Variants in PRDX1 observed in about 807,000 individuals in gnomAD.
PRDX1 encodes peroxiredoxin 1, also known as peroxiredoxin-1.
In PRDX1, 19 loss-of-function variants were observed where a neutral mutation model predicts 20.7. That is an observed-to-expected ratio of 0.92 (90% CI 0.64 to 1.35). The LOEUF is 1.35. PRDX1 is among the 40% of genes most tolerant of loss of function. The pLI is 0.00. For synonymous variants in PRDX1, 89 were observed against 83.9 expected (o/e 1.06, Z -0.33); for missense variants, 226 against 240.0 (o/e 0.94, Z 0.38).
intron 5 of PRDX1, chr1:45,512,326 C>A (rs1444525908): frequency 6.6e-6 from 1 of 151,408 alleles, no homozygotes; most frequent in African/African-American, 2.4e-5. Flanking sequence ...CAAGCTCCAC[C>A]TCCGGGGTTC....
chr1:45,511,367 C>T lies in PRDX1; in HGVS notation c.562G>A (p.Val188Ile). ...KPGSDTIKPD[V>I]QKSKEYFSKQ... ...GAGAAATATTCTTTGCTCTTTTGGA[C>T]ATCAGGCTTGATGGTATCACTGCCA... The change falls in exon 6 of 6, where the codon GTC becomes ATC. Residue 188 changes from valine to isoleucine, a missense_variant. Transcript: ENST00000319248. 1 of 1,613,206 alleles carries T rather than the reference C, an allele frequency of 6.2e-7. No homozygotes were observed. Among genetic ancestry groups the T allele is most frequent in the South Asian group, 1.1e-5 (1 of 90,866 alleles).
intron 2 of PRDX1, among the ~76,000 whole-genome samples, chr1:45,518,174 A>C (rs1643877426): frequency 6.6e-6 from 1 of 152,048 alleles, no homozygotes; most frequent in Non-Finnish European, 1.5e-5. Flanking sequence ...AAAAAGTACA[A>C]AAATTAAGCC....
chr1:45,520,714 A>G (rs1570856392), intron 1 of PRDX1, among the ~76,000 whole-genome samples: 1 of 117,238 alleles, frequency 8.5e-6, no homozygotes, highest in African/African-American at 3.6e-5. Flanking sequence ...ACAGAGCGAG[A>G]CTCCGTCTCA....
At chr1:45,517,577 C>G (rs184138512) in intron 2 of PRDX1, among the ~76,000 whole-genome samples, 1 of 151,876 alleles carries the variant, frequency 6.6e-6, no homozygotes, top group African/African-American at 2.4e-5. Flanking sequence ...GTCAGGAGAT[C>G]GAGACCATCC....
chr1:45,511,445 CCTT>C (rs759051137), intron 5 of PRDX1, 31 bp from the exon 6 acceptor site: 6 of 1,577,848 alleles, frequency 3.8e-6, no homozygotes, highest in Admixed American at 1.7e-5. Context: ...TAATTAATAA[CCTT>C]CTCAATGGTA....
rs371224177 is a variant in PRDX1, at chr1:45,514,274, G to A, written c.514+233C>T. On this transcript the variant is annotated intron_variant, in intron 5 of 5. Transcript: ENST00000319248. Reference sequence around the variant, plus strand: ...ATGACCCTGCCACATCCCCCTCTCCGAGAAACACCCAAGAATGATCAATAA... The same window carrying A: ...ATGACCCTGCCACATCCCCCTCTCCAAGAAACACCCAAGAATGATCAATAA... Among the ~76,000 whole-genome samples, 4 of 152,100 alleles carry A rather than the reference G, an allele frequency of 2.6e-5. No homozygotes were observed. In the South Asian group the frequency reaches 8.3e-4, roughly 32 times the overall value.
chr1:45,518,163 CA>C (rs1457858737), intron 2 of PRDX1, among the ~76,000 whole-genome samples: 1 of 151,918 alleles, frequency 6.6e-6, no homozygotes, highest in Non-Finnish European at 1.5e-5. Flanking sequence ...CCCAGCTCTA[CA>C]AAAAGTACAA....
chr1:45,517,804 A>G (rs936256164), intron 2 of PRDX1, among the ~76,000 whole-genome samples: 1 of 125,320 alleles, frequency 8.0e-6, no homozygotes, highest in African/African-American at 2.9e-5. Flanking sequence ...AAAAAAAAAA[A>G]CTATGACAAC....
chr1:45,519,022 T>A lies in PRDX1; in HGVS notation c.22A>T (p.Ile8Phe), dbSNP rs1339453399. The A allele has an allele frequency of 6.3e-7, 1 of 1,597,418 alleles. No individual in the cohort carries two copies. Among genetic ancestry groups the A allele is most frequent in the African/African-American group, 1.4e-5 (1 of 73,962 alleles). Residue 8 changes from isoleucine (I) to phenylalanine (F), a missense_variant, in exon 2 of 6, where the codon ATT becomes TTT. By Grantham distance (21) the Ile-to-Phe change is conservative (BLOSUM62 0). Coordinates refer to ENST00000319248, the MANE Select transcript of PRDX1 (RefSeq NM_181697.3). MSSGNAKIGHPAPNFKAT... is the reference protein window; with the variant it reads MSSGNAKFGHPAPNFKAT... ...TTGAAGTTGGGGGCAGGGTGCCCAA[T>A]TTTAGCATTTCCTGAAGACATCTTC...
chr1:45,513,784 TC>T (rs766567220), intron 5 of PRDX1, among the ~76,000 whole-genome samples: 1 of 152,178 alleles, frequency 6.6e-6, no homozygotes, highest in Non-Finnish European at 1.5e-5. Context: ...ATCTCAAGTA[TC>T]CGGGGACACA....
intron 5 of PRDX1, 80 bp downstream of exon 5, chr1:45,514,427 G>A: frequency 1.3e-6 from 2 of 1,523,084 alleles, no homozygotes; most frequent in Non-Finnish European, 1.8e-6. Context: ...CACCTAACGA[G>A]AAACACCCAC....
At chr1:45,511,497 C>A (rs1412265072) in intron 5 of PRDX1, 83 bp from the exon 6 acceptor site, 1 of 1,120,528 alleles carries the variant, frequency 8.9e-7, no homozygotes. Flanking sequence ...CAGTTCTGCA[C>A]CTGAACACTC....
intron 5 of PRDX1, chr1:45,512,252 ATT>A (rs1557611864): frequency 2.0e-5 from 3 of 149,940 alleles, no homozygotes; most frequent in African/African-American, 7.3e-5. Context: ...CACCTGGCTA[ATT>A]TTTGAGACAG....
At position 45,511,112 on chromosome 1, in the gene PRDX1, A is replaced by G. The variant is rs917972721; in HGVS notation, c.*217T>C. ...ATGGGTTGCTCTACTAATACATCATACAAACCAGTAGCCTGCCCACAACGC... is the reference window on the plus strand; with the variant it reads ...ATGGGTTGCTCTACTAATACATCATGCAAACCAGTAGCCTGCCCACAACGC... On this transcript the variant is annotated 3_prime_UTR_variant, in exon 6 of 6. Transcript: ENST00000319248. 11 of 453,196 alleles carry G rather than the reference A, an allele frequency of 2.4e-5. No individual in the cohort carries two copies. The highest frequency in any genetic ancestry group is 2.2e-4 in the African/African-American group (11 of 50,022). The allele number at this position is 453,196 out of a possible 1,614,324, so 28.1% of individuals were successfully genotyped here.
chr1:45,518,755 T>C (rs1462139409), intron 2 of PRDX1, among the ~76,000 whole-genome samples, 183 bp downstream of exon 2: 1 of 152,234 alleles, frequency 6.6e-6, no homozygotes, highest in Non-Finnish European at 1.5e-5. Flanking sequence ...AGTGGTTTGG[T>C]CCTAGGATAT....
intron 1 of PRDX1, among the ~76,000 whole-genome samples, chr1:45,520,211 A>AC (rs1294972768): frequency 1.8e-3 from 153 of 87,114 alleles, no homozygotes; most frequent in Non-Finnish European, 2.9e-3. Context: ...TCTCCAAAAA[A>AC]AAAAAAAAAA....
At chr1:45,520,866 T>G (rs1291257035) in intron 1 of PRDX1, among the ~76,000 whole-genome samples, 2 of 151,974 alleles carry the variant, frequency 1.3e-5, no homozygotes, top group Non-Finnish European at 2.9e-5. Context: ...ACCGCGCCAC[T>G]GCACTCCAGC....
chr1:45,520,156 G>A (rs1196925417), intron 1 of PRDX1, among the ~76,000 whole-genome samples: 1 of 143,014 alleles, frequency 7.0e-6, no homozygotes, highest in Non-Finnish European at 1.5e-5. Context: ...AGTAAGCTGA[G>A]ATCGCGCCAC....
At chr1:45,521,472 G>A (rs1382568356) in intron 1 of PRDX1, 1 of 152,236 alleles carries the variant, frequency 6.6e-6, no homozygotes, top group Non-Finnish European at 1.5e-5. Flanking sequence ...TCTGGATACA[G>A]GTCCATTCCA....
Sources: allele counts gnomAD v4.1 joint callset (sites outside exome capture counted in the v4.1 genomes callset), GRCh38; gene constraint gnomAD v4.1.1; transcripts MANE v1.5; gene names NCBI Gene and HGNC (gene_info 2026-07-23, HGNC 2026-07-21).